Variants in TMEM11 observed in about 807,000 individuals in gnomAD.
TMEM11 encodes transmembrane protein 11.
TMEM11 carries 1 observed loss-of-function variant against 17.0 expected under a neutral mutation model. That is an observed-to-expected ratio of 0.06 (90% CI 0.02 to 0.28). The LOEUF is 0.28. Among genes scored for constraint, TMEM11 ranks in the 10% least tolerant of loss-of-function variants. The pLI is 1.00. For missense variants in TMEM11, 172 were observed against 252.9 expected (o/e 0.68, Z 2.17); for synonymous variants, 122 against 118.1 (o/e 1.03, Z -0.21).
At position 21,198,615 on chromosome 17, in the gene TMEM11, C is replaced by T. The variant is rs373207736; in HGVS notation, c.288G>A (p.Pro96=). The T allele has an allele frequency of 4.5e-5, 72 of 1,612,386 alleles. No homozygotes were observed. Among genetic ancestry groups the T allele is most frequent in the African/African-American group, 4.1e-4 (31 of 74,898 alleles). Residue 96 remains proline, a synonymous_variant, in exon 2 of 2, where the codon CCG becomes CCA. Coordinates refer to ENST00000317635, the MANE Select transcript of TMEM11 (RefSeq NM_003876.3). The surrounding 1 kb of genome is among the most constrained non-coding windows in gnomAD (Gnocchi z 6.5). ...GGGAATAATCTAAGGGCAGCGCCAA[C>T]GGGGTGAAGAGGCAGGCGGTGCCCG... is the stretch of plus-strand genomic sequence containing the variant. ...VLAGTACLFT[P]LALPLDYSHY...
intron 1 of TMEM11, among the ~76,000 whole-genome samples, chr17:21,209,729 A>T: frequency 6.6e-6 from 1 of 152,148 alleles, no homozygotes; most frequent in Admixed American, 6.6e-5. Flanking sequence ...AGATCATACC[A>T]CTGCACTCCA....
At chr17:21,207,625 C>A (rs899575530) in intron 1 of TMEM11, among the ~76,000 whole-genome samples, 1 of 151,992 alleles carries the variant, frequency 6.6e-6, no homozygotes, top group South Asian at 2.1e-4. Context: ...CGGTGGCTCA[C>A]GCCTGTAATC....
chr17:21,211,882 TAG>T, intron 1 of TMEM11, among the ~76,000 whole-genome samples: 1 of 152,366 alleles, frequency 6.6e-6, no homozygotes, highest in South Asian at 2.1e-4. Context: ...AAAGTCATTT[TAG>T]AGAGCCATAA....
intron 1 of TMEM11, among the ~76,000 whole-genome samples, chr17:21,204,435 T>TAAAAA (rs71160127): frequency 5.5e-4 from 53 of 96,706 alleles, no homozygotes; most frequent in African/African-American, 1.7e-3. Context: ...TCCGTCTCAA[T>TAAAAA]AAAAAAAAAA....
chr17:21,200,240 G>C (rs1974868725), intron 1 of TMEM11, among the ~76,000 whole-genome samples: 1 of 152,242 alleles, frequency 6.6e-6, no homozygotes, highest in Non-Finnish European at 1.5e-5. Context: ...CCCACCCAAA[G>C]CAGAATCTTC....
At chr17:21,209,588 T>G (rs66726311) in intron 1 of TMEM11, among the ~76,000 whole-genome samples, 64,079 of 152,014 alleles carry the variant, frequency 0.42, 14,071 homozygotes, top group Non-Finnish European at 0.49. Flanking sequence ...GACAACATGG[T>G]GAAAACTCTG....
intron 1 of TMEM11, among the ~76,000 whole-genome samples, chr17:21,208,149 C>T (rs569699709): frequency 2.6e-5 from 4 of 151,456 alleles, no homozygotes; most frequent in Non-Finnish European, 4.4e-5. Flanking sequence ...ATCGCCACCA[C>T]GCCCGGCTAA....
intron 1 of TMEM11, among the ~76,000 whole-genome samples, chr17:21,199,089 G>GA (rs978939231): frequency 3.0e-4 from 46 of 152,002 alleles, no homozygotes; most frequent in Non-Finnish European, 6.2e-4. Flanking sequence ...TGGGAGGCCG[G>GA]GGGGGCGGAT....
intron 1 of TMEM11, among the ~76,000 whole-genome samples, chr17:21,209,336 T>A (rs969792629): frequency 1.3e-5 from 2 of 152,208 alleles, no homozygotes; most frequent in African/African-American, 4.8e-5. Flanking sequence ...GTTTCCCATG[T>A]TGTCAAACGG....
At chr17:21,202,575 C>T (rs1456903529) in intron 1 of TMEM11, among the ~76,000 whole-genome samples, 1 of 151,448 alleles carries the variant, frequency 6.6e-6, no homozygotes, top group Non-Finnish European at 1.5e-5. Flanking sequence ...CCCCCTCCGG[C>T]CCCCCTGCAA....
In TMEM11 at chr17:21,198,192, AT is replaced by A. The variant is rs1974840353; in HGVS notation, c.*131del. ...ACCCTGGGTACACCCGTGATCTGTT[AT>A]TTTTTAAAAATAACAAATACTAAGC... On this transcript the variant is annotated 3_prime_UTR_variant, in exon 2 of 2. Coordinates refer to ENST00000317635, the MANE Select transcript of TMEM11 (RefSeq NM_003876.3). The surrounding 1 kb of genome is among the most constrained non-coding windows in gnomAD (Gnocchi z 6.5). 1.6e-6 allele frequency: 2 copies of A among 1,231,930 alleles called. No individual in the cohort carries two copies. Among genetic ancestry groups the A allele is most frequent in the Admixed American group, 2.3e-5 (1 of 42,866 alleles). 76.3% of individuals were successfully genotyped at this position (1,231,930 alleles called of 1,614,324 possible).
At chr17:21,209,445 AAATT>A (rs146141198) in intron 1 of TMEM11, among the ~76,000 whole-genome samples, 1,859 of 152,306 alleles carry the variant, frequency 0.012, 47 homozygotes, top group African/African-American at 0.042. Context: ...GTTGAAATTT[AAATT>A]AATTAAAATT....
Position 21,198,122 on chromosome 17 carries a change from C to G in TMEM11, c.*202G>C, listed in dbSNP as rs143161750. On this transcript the variant is annotated 3_prime_UTR_variant, in exon 2 of 2. Transcript: ENST00000317635. The surrounding 1 kb of genome is among the most constrained non-coding windows in gnomAD (Gnocchi z 6.5). ...CGGACTTCCACAGCCTCAGACCCCCCTCTTGGGTTATGGAAATCCACATCT... is the reference window on the plus strand; with the variant it reads ...CGGACTTCCACAGCCTCAGACCCCCGTCTTGGGTTATGGAAATCCACATCT... The G allele has an allele frequency of 9.0e-3, 5,969 of 661,262 alleles. 55 individuals carry two copies. The highest frequency in any genetic ancestry group is 0.025 in the Middle Eastern group (59 of 2,352). 41.0% of individuals were successfully genotyped at this position (661,262 alleles called of 1,614,324 possible).
chr17:21,211,992 C>T (rs1975007700), intron 1 of TMEM11, among the ~76,000 whole-genome samples: 1 of 152,190 alleles, frequency 6.6e-6, no homozygotes. Flanking sequence ...CCTGAACAGT[C>T]ATCACCAACT....
chr17:21,211,302 A>T (rs1975000718), intron 1 of TMEM11: 2 of 1,084,680 alleles, frequency 1.8e-6, no homozygotes, highest in Admixed American at 4.7e-5. Flanking sequence ...CTCCTATCTT[A>T]GTCGAAACCA....
chr17:21,201,923 G>A (rs141529815), intron 1 of TMEM11, among the ~76,000 whole-genome samples: 287 of 152,328 alleles, frequency 1.9e-3, no homozygotes, highest in Non-Finnish European at 2.6e-3. Flanking sequence ...ATGAGCTACC[G>A]CATCCAGCCA....
At chr17:21,208,154 G>A (rs1974964773) in intron 1 of TMEM11, among the ~76,000 whole-genome samples, 2 of 151,322 alleles carry the variant, frequency 1.3e-5, no homozygotes, top group African/African-American at 2.4e-5. Context: ...CACCACGCCC[G>A]GCTAATTTTT....
intron 1 of TMEM11, among the ~76,000 whole-genome samples, chr17:21,212,743 T>C (rs1390136414): frequency 6.6e-6 from 1 of 152,260 alleles, no homozygotes; most frequent in Non-Finnish European, 1.5e-5. Flanking sequence ...AGAGGGCGTA[T>C]GTTTCTAATA....
At chr17:21,207,215 G>A (rs2144305197) in intron 1 of TMEM11, among the ~76,000 whole-genome samples, 1 of 152,136 alleles carries the variant, frequency 6.6e-6, no homozygotes, top group East Asian at 1.9e-4. Flanking sequence ...CTTTTGATGT[G>A]TTTAACATAT....
Sources: gnomAD v4.1 joint callset for allele counts (sites outside exome capture counted in the v4.1 genomes callset) on GRCh38, gnomAD v4.1.1 for gene constraint, Gnocchi (gnomAD v3.1) non-coding constraint, MANE v1.5 for transcripts, NCBI Gene and HGNC (gene_info 2026-07-23, HGNC 2026-07-21) for gene names.